AQR: variants seen among roughly 807,000 people sequenced by gnomAD.
AQR encodes the protein RNA helicase aquarius.
In AQR, 61 loss-of-function variants were observed where a neutral mutation model predicts 180.5. The observed-to-expected ratio is 0.34, with a 90% confidence interval of 0.28 to 0.42. The LOEUF is 0.42. Among genes scored for constraint, AQR ranks in the 10% least tolerant of loss-of-function variants. The pLI is 1.00. For missense variants in AQR, 1,281 were observed against 1,798.3 expected, an observed-to-expected ratio of 0.71 and a Z score of 5.20; for synonymous variants, 551 against 588.8, an observed-to-expected ratio of 0.94 and a Z score of 0.93.
chr15:34,965,383 C>A (rs2050304740), intron 1 of AQR, among the ~76,000 whole-genome samples: 1 of 152,042 alleles, frequency 6.6e-6, no homozygotes, highest in Non-Finnish European at 1.5e-5. Context: ...TTAAATGACA[C>A]CTTCCGGCCA....
In AQR at chr15:34,890,218, C is replaced by T; in HGVS notation, c.2678G>A (p.Ser893Asn). The change falls in exon 24 of 35, where the codon AGC becomes AAC. Residue 893 changes from serine (S) to asparagine (N), a missense_variant. Physicochemically the swap from Ser to Asn is conservative, Grantham distance 46 (BLOSUM62 1). Coordinates refer to ENST00000156471, the MANE Select transcript of AQR (RefSeq NM_014691.3). Reference protein sequence around the residue: ...EEELETEKDFSRYGRVNYVLA... With the variant: ...EEELETEKDFNRYGRVNYVLA... The stretch of plus-strand genomic sequence containing the variant: ...TTACTCACTCCCATTTGCTCACCTG[C>T]TGAAATCTTTCTCTGTCTCCAGCTC... 6.2e-7 allele frequency: 1 copy of T among 1,611,980 alleles called. No individual in the cohort carries two copies. Among genetic ancestry groups the T allele is most frequent in the Non-Finnish European group, 8.5e-7 (1 of 1,179,408 alleles).
Position 34,856,570 on chromosome 15 carries a change from A to G in AQR, c.*222T>C. 2.2e-6 allele frequency: 1 copy of G among 445,568 alleles called. No homozygotes were observed. The highest frequency in any genetic ancestry group is 3.9e-6 in the Non-Finnish European group (1 of 254,194). The allele number at this position is 445,568 out of a possible 1,614,324, so 27.6% of individuals were successfully genotyped here. Reference sequence around the variant, plus strand: ...GACACACTCAGTGATCAAAACATGAAAGGAATGGTTATTTGCTCTTCTGAT... The same window carrying G: ...GACACACTCAGTGATCAAAACATGAGAGGAATGGTTATTTGCTCTTCTGAT... On this transcript the variant is annotated 3_prime_UTR_variant, in exon 35 of 35. Coordinates refer to ENST00000156471, the MANE Select transcript of AQR (RefSeq NM_014691.3).
At chr15:34,930,474 C>T (rs1893834821) in intron 11 of AQR, 103 bp from the exon 12 acceptor site, 1 of 604,132 alleles carries the variant, frequency 1.7e-6, no homozygotes, top group African/African-American at 1.8e-5. Flanking sequence ...CTCAGAGGTG[C>T]TGAAAAAACT....
chr15:34,882,680 C>T (rs376389105), intron 26 of AQR, 41 bp from the exon 27 acceptor site: 50 of 1,579,026 alleles, frequency 3.2e-5, no homozygotes, highest in Middle Eastern at 1.7e-4. Flanking sequence ...TTTAGGAAAA[C>T]GGAGTTTTGC....
At chr15:34,945,208 G>C (rs1894091418) in intron 5 of AQR, among the ~76,000 whole-genome samples, 1 of 151,966 alleles carries the variant, frequency 6.6e-6, no homozygotes, top group Non-Finnish European at 1.5e-5. Context: ...TCAAACCTTA[G>C]ATTCCTCTAC....
chr15:34,915,885 G>A (rs1365907336), intron 15 of AQR, among the ~76,000 whole-genome samples: 1 of 151,804 alleles, frequency 6.6e-6, no homozygotes, highest in Non-Finnish European at 1.5e-5. Context: ...GGCAGAGGTT[G>A]CAGGAAGCCA....
intron 22 of AQR, among the ~76,000 whole-genome samples, chr15:34,895,180 AAAAAAAAATATATATATATATAT>A (rs1893217896): frequency 1.7e-5 from 1 of 57,512 alleles, no homozygotes; most frequent in African/African-American, 5.4e-5. Context: ...AAAAAAAAAA[AAAAAAAAATATATATATATATAT>A]ATATATATAT....
chr15:34,870,666 T>A (rs1732887604), intron 31 of AQR, 86 bp downstream of exon 31: 1 of 1,136,478 alleles, frequency 8.8e-7, no homozygotes. Context: ...TAAAAAGAGA[T>A]AGCAAAGAGG....
chr15:34,883,313 G>A (rs956927550), intron 26 of AQR, among the ~76,000 whole-genome samples: 13 of 152,218 alleles, frequency 8.5e-5, no homozygotes, highest in African/African-American at 1.2e-4. Context: ...ATCAACCATG[G>A]CAGAGGATCC....
intron 16 of AQR, among the ~76,000 whole-genome samples, chr15:34,910,609 A>C (rs1893486317): frequency 6.6e-6 from 1 of 152,214 alleles, no homozygotes; most frequent in Non-Finnish European, 1.5e-5. Context: ...AACCCTATGT[A>C]CATAAGAGCA....
At position 34,860,170 on chromosome 15, in the gene AQR, AAAGAACGTT is replaced by A. The variant is rs757546738; in HGVS notation, c.4030-24_4030-16del. On this transcript the variant is annotated splice_polypyrimidine_tract_variant and intron_variant, in intron 33 of 34. Coordinates refer to ENST00000156471, the MANE Select transcript of AQR (RefSeq NM_014691.3). Reference sequence around the variant, plus strand: ...CTCTCTCCATTCTAGAAGAAGGAAAAAAGAACGTTAAGTATCTAGTAAAACAACCCTAGA... The same window carrying A: ...CTCTCTCCATTCTAGAAGAAGGAAAAAAGTATCTAGTAAAACAACCCTAGA... 1.4e-6 allele frequency: 2 copies of A among 1,394,976 alleles called. No individual in the cohort carries two copies. The highest frequency in any genetic ancestry group is 4.7e-5 in the East Asian group (2 of 42,124). The allele number at this position is 1,394,976 out of a possible 1,614,324, so 86.4% of individuals were successfully genotyped here.
chr15:34,857,085 C>A lies in AQR; in HGVS notation c.4165G>T (p.Ala1389Ser). ...ACTTCCTCACCCTCTTCTACCATAG[C>A]AGGTGGTAGTTGTAATAAAGTCTAA... is the stretch of plus-strand genomic sequence containing the variant. Reference protein sequence around the residue: ...YHQTLLQLPPAMVEEGEEVQN... With the variant: ...YHQTLLQLPPSMVEEGEEVQN... The change falls in exon 35 of 35, where the codon GCT becomes TCT. Residue 1389 changes from alanine to serine, a missense_variant. Transcript: ENST00000156471. 4.5e-6 allele frequency: 7 copies of A among 1,572,436 alleles called. No homozygotes were observed. Among genetic ancestry groups the A allele is most frequent in the Admixed American group, 1.9e-5 (1 of 52,094 alleles).
At chr15:34,916,380 T>A (rs1390731038) in intron 15 of AQR, among the ~76,000 whole-genome samples, 5 of 152,086 alleles carry the variant, frequency 3.3e-5, no homozygotes, top group Non-Finnish European at 7.4e-5. Context: ...AAAAAGGTTT[T>A]AAAAAATCCC....
Position 34,873,916 on chromosome 15 carries a change from T to C in AQR, c.3509A>G (p.Asn1170Ser). Residue 1170 changes from asparagine to serine, a missense_variant, in exon 30 of 35, where the codon AAT becomes AGT. Coordinates refer to ENST00000156471, the MANE Select transcript of AQR (RefSeq NM_014691.3). ...VQLLPEFSTANAGLLYDFQLI... is the reference protein window; with the variant it reads ...VQLLPEFSTASAGLLYDFQLI... ...CTGGAAGTCATACAGTAAGCCAGCA[T>C]TTGCTGTACTAAACTCTGGCAAGAG... 1.9e-6 allele frequency: 3 copies of C among 1,612,416 alleles called. No individual in the cohort carries two copies. Among genetic ancestry groups the C allele is most frequent in the Non-Finnish European group, 2.5e-6 (3 of 1,179,018 alleles).
intron 29 of AQR, 195 bp from the exon 30 acceptor site, chr15:34,874,194 G>GAA (rs1892860713): frequency 2.1e-6 from 1 of 470,572 alleles, no homozygotes; most frequent in South Asian, 5.5e-5. Context: ...GAAGACTGAA[G>GAA]GTACTACAAA....
intron 5 of AQR, among the ~76,000 whole-genome samples, chr15:34,946,680 G>C (rs1407987624): frequency 2.3e-5 from 3 of 130,372 alleles, no homozygotes; most frequent in African/African-American, 8.8e-5. Flanking sequence ...CCTCTGCCCG[G>C]CCAGCCGCCC....
At chr15:34,925,039 T>C (rs1893739559) in intron 13 of AQR, among the ~76,000 whole-genome samples, 1 of 151,916 alleles carries the variant, frequency 6.6e-6, no homozygotes, top group South Asian at 2.1e-4. Context: ...AGAATGACAG[T>C]TGTCATTAAA....
Position 34,930,355 on chromosome 15 carries a change from T to A in AQR, c.917A>T (p.Lys306Ile). 1 of 1,603,686 alleles carries A rather than the reference T, an allele frequency of 6.2e-7. No homozygotes were observed. The highest frequency in any genetic ancestry group is 8.5e-7 in the Non-Finnish European group (1 of 1,171,776). The part of the protein sequence containing the change: ...HLFSQLLDML[K>I]FYTGFEINDQ... ...ATTAATTTCAAAACCAGTATAGAATTTAAGCATGTCCAAAAGCTGAAGAAA... is the reference window on the plus strand; with the variant it reads ...ATTAATTTCAAAACCAGTATAGAATATAAGCATGTCCAAAAGCTGAAGAAA... The change falls in exon 12 of 35, where the codon AAA becomes ATA. Residue 306 changes from lysine (K) to isoleucine (I), a missense_variant. Lys to Ile is a moderately radical substitution (Grantham distance 102, BLOSUM62 -3). Around this residue, in one of 9 missense-constraint regions of AQR, gnomAD observed 404 missense variants for 490.9 expected, o/e 0.82. Coordinates refer to ENST00000156471, the MANE Select transcript of AQR (RefSeq NM_014691.3).
At chr15:34,969,137 G>C (rs775190042) in intron 1 of AQR, among the ~76,000 whole-genome samples, 1 of 152,160 alleles carries the variant, frequency 6.6e-6, no homozygotes, top group Non-Finnish European at 1.5e-5. Context: ...CTAAGGACCA[G>C]GAAAAAGCCT....
Sources: gnomAD v4.1 joint callset for allele counts (sites outside exome capture counted in the v4.1 genomes callset) on GRCh38, gnomAD v4.1.1 for gene constraint, gnomAD v4.1.1 regional missense constraint, MANE v1.5 for transcripts, NCBI Gene and HGNC (gene_info 2026-07-23, HGNC 2026-07-21) for gene names.